The following DNMBP variants were observed in gnomAD, a reference collection of about 807,000 sequenced individuals.
DNMBP encodes dynamin-binding protein.
DNMBP carries 87 observed loss-of-function variants against 150.0 expected under a neutral mutation model. That is an observed-to-expected ratio of 0.58 (90% CI 0.49 to 0.69). DNMBP has a LOEUF of 0.69. DNMBP is among the 30% of genes least tolerant of loss of function. The probability of loss-of-function intolerance (pLI) is 0.00; values close to 1 mark genes in which losing one functional copy is unlikely to be tolerated. For missense variants in DNMBP, 1,774 were observed against 1,949.0 expected, an observed-to-expected ratio of 0.91 and a Z score of 1.69; for synonymous variants, 711 against 750.4, an observed-to-expected ratio of 0.95 and a Z score of 0.86.
chr10:99,962,199 T>C (rs2040572482), intron 3 of DNMBP, among the ~76,000 whole-genome samples: 1 of 152,230 alleles, frequency 6.6e-6, no homozygotes, highest in African/African-American at 2.4e-5. Flanking sequence ...ATTTTACACT[T>C]AGAGAGAGTT....
chr10:99,935,463 T>C (rs1311844117), intron 4 of DNMBP, among the ~76,000 whole-genome samples: 1 of 152,172 alleles, frequency 6.6e-6, no homozygotes, highest in Non-Finnish European at 1.5e-5. Context: ...CATAGTTCAC[T>C]GTAGCCTTGA....
chr10:99,930,748 T>A, intron 4 of DNMBP: 1 of 673,616 alleles, frequency 1.5e-6, no homozygotes, highest in Non-Finnish European at 2.7e-6. Flanking sequence ...TTTCTAGCCT[T>A]CTGGGTTTCA....
intron 4 of DNMBP, among the ~76,000 whole-genome samples, chr10:99,938,683 C>T (rs1475043397): frequency 6.6e-6 from 1 of 152,204 alleles, no homozygotes; most frequent in Non-Finnish European, 1.5e-5. Context: ...GAGGTAAACT[C>T]CCTCAGCTTT....
At position 99,877,068 on chromosome 10, in the gene DNMBP, G is replaced by A. The variant is rs1299637860; in HGVS notation, c.*83C>T. ...CGCAGACAGGGCCTGTGTCTCAGGA[G>A]CAGGCGCCCTCTCGGTGGGCCGCCA... On this transcript the variant is annotated 3_prime_UTR_variant, in exon 17 of 17. Coordinates refer to ENST00000324109, the MANE Select transcript of DNMBP (RefSeq NM_015221.4). 2.3e-6 allele frequency: 3 copies of A among 1,276,770 alleles called. No homozygotes were observed. Among genetic ancestry groups the A allele is most frequent in the Non-Finnish European group, 3.3e-6 (3 of 915,510 alleles). The allele number at this position is 1,276,770 out of a possible 1,614,324, so 79.1% of individuals were successfully genotyped here.
rs938991113 is a variant in DNMBP at position 99,955,712 on chromosome 10, T to C, written c.1762A>G (p.Ile588Val). 6.2e-7 allele frequency: 1 copy of C among 1,614,216 alleles called. No individual in the cohort carries two copies. The highest frequency in any genetic ancestry group is 8.5e-7 in the Non-Finnish European group (1 of 1,180,030). The change falls in exon 4 of 17, where the codon ATT becomes GTT. Residue 588 changes from isoleucine (I) to valine (V), a missense_variant. Around this residue, in one of 2 missense-constraint regions of DNMBP, gnomAD observed 1,430 missense variants for 1,492.5 expected, o/e 0.96. Transcript: ENST00000324109. ...ATTAACTTTGAGGAACCTCGGACAA[T>C]ATCCTTCTCAGAGTTAAAGTCCATG... ...SIMDFNSEKD[I>V]VRGSSKLITE...
intron 12 of DNMBP, 71 bp downstream of exon 12, chr10:99,888,754 G>T: frequency 1.3e-6 from 2 of 1,587,056 alleles, no homozygotes; most frequent in South Asian, 2.3e-5. Context: ...CCGTGGAACT[G>T]ACTTGCATGA....
At chr10:100,000,955 G>A (rs1014829400) in intron 1 of DNMBP, among the ~76,000 whole-genome samples, 3 of 150,208 alleles carry the variant, frequency 2.0e-5, no homozygotes, top group South Asian at 2.1e-4. Flanking sequence ...AAAAAGAGCC[G>A]GGCACGGTGG....
At chr10:99,879,092 A>AAAAAAAAAAAAAAAAAAAC (rs1338322916) in intron 16 of DNMBP, among the ~76,000 whole-genome samples, 1 of 150,242 alleles carries the variant, frequency 6.7e-6, no homozygotes, top group African/African-American at 2.5e-5. Context: ...CTCAAAAAAA[A>AAAAAAAAAAAAAAAAAAAC]AAAAAAAAAC....
intron 4 of DNMBP, among the ~76,000 whole-genome samples, chr10:99,917,053 CAT>C (rs2039972420): frequency 6.6e-6 from 1 of 151,964 alleles, no homozygotes; most frequent in African/African-American, 2.4e-5. Context: ...ATGGCATGCC[CAT>C]ATAATAAAAT....
In DNMBP at chr10:99,875,823, A is replaced by C. The variant is rs964710534; in HGVS notation, c.*1328T>G. The C allele has an allele frequency of 6.6e-6, 1 of 152,190 alleles. No homozygotes were observed. Among genetic ancestry groups the C allele is most frequent in the African/African-American group, 2.4e-5 (1 of 41,436 alleles). 9.4% of individuals were successfully genotyped at this position (152,190 alleles called of 1,614,324 possible). ...TAAAAGACAAATTTCATGGTTTCCC[A>C]TTCCAAGATAGGCTTCATAGCTGGG... is the stretch of plus-strand genomic sequence containing the variant. On this transcript the variant is annotated 3_prime_UTR_variant, in exon 17 of 17. Transcript: ENST00000324109.
chr10:99,877,104 CGGA>C lies in DNMBP; in HGVS notation c.*44_*46del. 2 of 1,420,146 alleles carry C rather than the reference CGGA, an allele frequency of 1.4e-6. No homozygotes were observed. Among genetic ancestry groups the C allele is most frequent in the Non-Finnish European group, 1.9e-6 (2 of 1,073,774 alleles). The allele number at this position is 1,420,146 out of a possible 1,614,324, so 88.0% of individuals were successfully genotyped here. Reference sequence around the variant, plus strand: ...CTCGGTGGGCCGCCAGAACCCTCGGCGGACTGAAAGCAAAGGCAGCAAGGCTGG... The same window carrying C: ...CTCGGTGGGCCGCCAGAACCCTCGGCCTGAAAGCAAAGGCAGCAAGGCTGG... On this transcript the variant is annotated 3_prime_UTR_variant, in exon 17 of 17. Coordinates refer to ENST00000324109, the MANE Select transcript of DNMBP (RefSeq NM_015221.4).
rs546976222 is a variant in DNMBP, at chr10:99,963,845, G to C, written c.268+5270C>G. Among the ~76,000 whole-genome samples the C allele has an allele frequency of 6.5e-3, 982 of 151,502 alleles. 11 individuals are homozygous for C. The highest frequency in any genetic ancestry group is 0.023 in the African/African-American group (938 of 41,190). ...CCAGGGGAACTATGTGCTTTATGCA[G>C]CCTGACCACGTAGAGTATTTTATTC... On this transcript the variant is annotated intron_variant, in intron 3 of 16. Transcript: ENST00000324109.
chr10:99,911,568 GA>G (rs147426542), intron 4 of DNMBP, among the ~76,000 whole-genome samples: 10 of 150,906 alleles, frequency 6.6e-5, no homozygotes, highest in Middle Eastern at 3.4e-3. Context: ...GTTCATTAAA[GA>G]AAAAAAAACT....
rs757808433 is a variant in DNMBP, at chr10:99,898,298, GA to G, written c.2721-14del. On this transcript the variant is annotated splice_polypyrimidine_tract_variant and intron_variant, in intron 8 of 16. Transcript: ENST00000324109. ...ATTTGTGCATCCCCTGTAAGAGAAG[GA>G]AAAAAGACTTTAGTAAGCTATCAAT... 145 of 1,600,448 alleles carry G rather than the reference GA, an allele frequency of 9.1e-5. No individual in the cohort carries two copies. The highest frequency in any genetic ancestry group is 4.4e-5 in the Non-Finnish European group (51 of 1,169,946).
chr10:99,905,702 G>A (rs748339530), intron 6 of DNMBP, among the ~76,000 whole-genome samples: 2 of 152,246 alleles, frequency 1.3e-5, no homozygotes, highest in East Asian at 1.9e-4. Flanking sequence ...CATGTGTGGC[G>A]GCTCGTGCCT....
intron 4 of DNMBP, among the ~76,000 whole-genome samples, chr10:99,949,730 C>T (rs2040398046): frequency 6.6e-6 from 1 of 152,068 alleles, no homozygotes; most frequent in Non-Finnish European, 1.5e-5. Context: ...CACTAAACAG[C>T]AATTTTTTTA....
Position 99,971,519 on chromosome 10 carries a change from A to G in DNMBP, c.145+461T>C, listed in dbSNP as rs564075796. Among the ~76,000 whole-genome samples the G allele has an allele frequency of 4.2e-4, 61 of 144,578 alleles. No homozygotes were observed. The South Asian group carries it at 6.6e-3, about 16-fold the overall frequency. The allele number at this position is 144,578 out of a possible 152,430, so 94.8% of individuals were successfully genotyped here. A position where few individuals can be genotyped will look rare whatever the true frequency, so the allele number is the denominator to read the frequency against. On this transcript the variant is annotated intron_variant, in intron 2 of 16. Coordinates refer to ENST00000324109, the MANE Select transcript of DNMBP (RefSeq NM_015221.4). ...ATGCCCAGCCTTTATTTTTATTTTT[A>G]TTATTTATTTACTTATTTAGAGACA...
chr10:99,902,300 C>CT (rs1234322535), intron 6 of DNMBP, among the ~76,000 whole-genome samples: 5 of 119,874 alleles, frequency 4.2e-5, no homozygotes, highest in African/African-American at 1.6e-4. Context: ...GGAAGCCTCC[C>CT]TTCTTTTTTT....
chr10:99,920,978 C>T (rs899998724), intron 4 of DNMBP, among the ~76,000 whole-genome samples: 2 of 152,178 alleles, frequency 1.3e-5, no homozygotes, highest in African/African-American at 4.8e-5. Context: ...CCATGCCCAG[C>T]CGACTTCCCA....
Sources: gnomAD v4.1 joint callset for allele counts (sites outside exome capture counted in the v4.1 genomes callset) on GRCh38, gnomAD v4.1.1 for gene constraint, gnomAD v4.1.1 regional missense constraint, MANE v1.5 for transcripts, NCBI Gene and HGNC (gene_info 2026-07-23, HGNC 2026-07-21) for gene names.